Variants in CALN1 observed in about 807,000 individuals in gnomAD.
CALN1 encodes the protein calneuron 1, also known as calcium-binding protein 8.
In CALN1, 17 loss-of-function variants were observed where a neutral mutation model predicts 30.6. That is an observed-to-expected ratio of 0.56 (90% CI 0.38 to 0.83). The LOEUF (loss-of-function observed/expected upper bound fraction) is 0.83, where lower values mean the gene tolerates loss of function less well. Ranked by LOEUF, CALN1 falls within the 40% of genes least tolerant of loss-of-function variation. The probability of loss-of-function intolerance (pLI) is 0.00; values close to 1 mark genes in which losing one functional copy is unlikely to be tolerated. For missense variants in CALN1, 291 were observed against 354.9 expected, an observed-to-expected ratio of 0.82 and a Z score of 1.45; for synonymous variants, 156 against 131.4, an observed-to-expected ratio of 1.19 and a Z score of -1.28.
chr7:71,796,927 G>A (rs539935425), intron 6 of CALN1, among the ~76,000 whole-genome samples: 1 of 152,294 alleles, frequency 6.6e-6, no homozygotes, highest in African/African-American at 2.4e-5. Context: ...AGACCTGGGT[G>A]TGCAAGCTCT....
intron 4 of CALN1, among the ~76,000 whole-genome samples, chr7:72,062,014 A>C (rs1803689292): frequency 2.0e-5 from 3 of 152,164 alleles, no homozygotes; most frequent in Admixed American, 1.3e-4. Flanking sequence ...CTCATCATAA[A>C]ACACTGAGAC....
intron 5 of CALN1, among the ~76,000 whole-genome samples, chr7:71,946,902 T>C (rs1263444467): frequency 1.3e-5 from 2 of 152,034 alleles, no homozygotes; most frequent in East Asian, 3.9e-4. Context: ...AGGCTTCTCA[T>C]GAACTCCTGG....
intron 2 of CALN1, among the ~76,000 whole-genome samples, chr7:72,292,150 C>A (rs556512916): frequency 1.3e-5 from 2 of 152,062 alleles, no homozygotes; most frequent in African/African-American, 2.4e-5. Context: ...TGGCAAAAAT[C>A]GCAATTACTC....
At chr7:72,293,506 C>T (rs558251560) in intron 2 of CALN1, among the ~76,000 whole-genome samples, 1 of 152,264 alleles carries the variant, frequency 6.6e-6, no homozygotes, top group African/African-American at 2.4e-5. Flanking sequence ...GCTGGTGTCT[C>T]CTTTTGGCCA....
At chr7:71,791,828 T>C (rs1786569295) in intron 6 of CALN1, among the ~76,000 whole-genome samples, 1 of 152,014 alleles carries the variant, frequency 6.6e-6, no homozygotes, top group Admixed American at 6.6e-5. Context: ...GCTAACACGG[T>C]GAAACCCTGT....
intron 2 of CALN1, among the ~76,000 whole-genome samples, chr7:72,376,625 T>C (rs1302220857): frequency 5.3e-5 from 8 of 152,246 alleles, no homozygotes; most frequent in Non-Finnish European, 8.8e-5. Context: ...TAATGTACTT[T>C]ACTTGCAAAT....
chr7:72,041,306 C>T (rs920383345), intron 4 of CALN1, among the ~76,000 whole-genome samples: 1 of 152,076 alleles, frequency 6.6e-6, no homozygotes, highest in African/African-American at 2.4e-5. Flanking sequence ...GAAAGGGACA[C>T]TGTGGGGCTG....
the CALN1 span, among the ~76,000 whole-genome samples, chr7:72,501,815 AG>A: frequency 1.1e-4 from 16 of 148,572 alleles, no homozygotes; most frequent in Non-Finnish European, 1.6e-4. Flanking sequence ...AGGCTGCAGC[AG>A]GAGAATCGCT....
the CALN1 span, among the ~76,000 whole-genome samples, chr7:72,502,598 A>G: frequency 0.42 from 63,643 of 151,628 alleles, 14,330 homozygotes; most frequent in African/African-American, 0.58. Context: ...TATTTAAACT[A>G]CTATTTCTTG....
At chr7:72,149,611 T>TC (rs767459825) in intron 3 of CALN1, among the ~76,000 whole-genome samples, 3 of 152,084 alleles carry the variant, frequency 2.0e-5, no homozygotes, top group African/African-American at 4.8e-5. Context: ...CCCTCACCGT[T>TC]CCCCACACTT....
In CALN1 at chr7:71,787,619, C is replaced by G; in HGVS notation, c.*156G>C. 1 of 987,714 alleles carries G rather than the reference C, an allele frequency of 1.0e-6. No homozygotes were observed. The highest frequency in any genetic ancestry group is 1.4e-6 in the Non-Finnish European group (1 of 692,156). 61.2% of individuals were successfully genotyped at this position (987,714 alleles called of 1,614,324 possible). ...AGGAGATGAAGCTGAAGTGCAACCC[C>G]AGTTGCACTCAACCTTGGGTTCTTT... On this transcript the variant is annotated 3_prime_UTR_variant, in exon 7 of 7. Coordinates refer to ENST00000395275, the MANE Select transcript of CALN1 (RefSeq NM_031468.4).
chr7:71,904,771 G>A (rs1312999274), intron 5 of CALN1, among the ~76,000 whole-genome samples: 2 of 152,058 alleles, frequency 1.3e-5, no homozygotes, highest in Admixed American at 6.6e-5. Flanking sequence ...CACAATGTAC[G>A]TATACTTCAA....
At chr7:71,921,196 ACCGCAGC>A (rs1794928215) in intron 5 of CALN1, among the ~76,000 whole-genome samples, 1 of 152,028 alleles carries the variant, frequency 6.6e-6, no homozygotes, top group South Asian at 2.1e-4. Flanking sequence ...ACACACACAC[ACCGCAGC>A]CTCTCAGGGA....
chr7:71,885,270 G>T (rs894991749), intron 5 of CALN1, among the ~76,000 whole-genome samples: 2 of 152,078 alleles, frequency 1.3e-5, no homozygotes, highest in African/African-American at 4.8e-5. Context: ...TCTTGCCTCA[G>T]CCTCCCGAGT....
intron 3 of CALN1, among the ~76,000 whole-genome samples, chr7:72,188,609 C>T (rs896727696): frequency 2.0e-5 from 3 of 152,072 alleles, no homozygotes; most frequent in Non-Finnish European, 2.9e-5. Flanking sequence ...GTGTACACTG[C>T]TCAGGTGATG....
At chr7:72,095,219 G>A (rs1398336552) in intron 4 of CALN1, among the ~76,000 whole-genome samples, 2 of 152,078 alleles carry the variant, frequency 1.3e-5, no homozygotes. Context: ...TAGCACCTAT[G>A]GCTTTTGTGA....
At chr7:71,846,925 TTATATATACATATATG>T (rs912815363) in intron 5 of CALN1, among the ~76,000 whole-genome samples, 15 of 139,686 alleles carry the variant, frequency 1.1e-4, no homozygotes, top group Admixed American at 1.4e-4. Flanking sequence ...TATATGTATA[TTATATATACATATATG>T]TATATATACA....
intron 3 of CALN1, among the ~76,000 whole-genome samples, chr7:72,213,350 A>G (rs1281196267): frequency 1.3e-5 from 2 of 152,214 alleles, no homozygotes; most frequent in African/African-American, 4.8e-5. Context: ...TGGGTTCCCT[A>G]AACAAAGAAG....
intron 4 of CALN1, among the ~76,000 whole-genome samples, chr7:72,032,081 CAG>C (rs371645620): frequency 2.2e-4 from 20 of 89,828 alleles, no homozygotes; most frequent in African/African-American, 8.2e-4. Context: ...TTTTTTGAGA[CAG>C]AGTCTCACTC....
Sources: gnomAD v4.1 joint callset for allele counts (sites outside exome capture counted in the v4.1 genomes callset) on GRCh38, gnomAD v4.1.1 for gene constraint, MANE v1.5 for transcripts, NCBI Gene and HGNC (gene_info 2026-07-23, HGNC 2026-07-21) for gene names.